The following DCLRE1C variants were observed in gnomAD, a reference collection of about 807,000 sequenced individuals.
The protein encoded by DCLRE1C is DNA cross-link repair 1C.
DCLRE1C carries 47 observed loss-of-function variants against 61.4 expected under a neutral mutation model. The ratio of observed to expected loss-of-function variants is 0.77; its 90% CI spans 0.61 to 0.98. The LOEUF (loss-of-function observed/expected upper bound fraction) is 0.98. DCLRE1C is among the 50% of genes least tolerant of loss of function. DCLRE1C has a pLI of 0.00. For missense variants in DCLRE1C, 858 were observed against 816.0 expected (o/e 1.05, Z -0.63); for synonymous variants, 337 against 287.6 (o/e 1.17, Z -1.74).
At chr10:14,931,925 A>G (rs1839065761) in intron 9 of DCLRE1C, among the ~76,000 whole-genome samples, 1 of 151,702 alleles carries the variant, frequency 6.6e-6, no homozygotes, top group South Asian at 2.1e-4. Context: ...TCCCAGCTAC[A>G]TAGGAGGCTG....
At chr10:14,933,765 A>G (rs41297946) in intron 8 of DCLRE1C, among the ~76,000 whole-genome samples, 3,568 of 152,308 alleles carry the variant, frequency 0.023, 64 homozygotes, top group Admixed American at 0.056. Flanking sequence ...GGTCACAATC[A>G]CTAAATTTAT....
chr10:14,928,439 CG>C (rs1321098294), intron 9 of DCLRE1C, among the ~76,000 whole-genome samples: 10 of 152,120 alleles, frequency 6.6e-5, no homozygotes, highest in South Asian at 6.2e-4. Context: ...CCTGACTGAA[CG>C]CAATGGACGA....
At chr10:14,920,559 C>T (rs1836932803) in intron 12 of DCLRE1C, 2 of 243,284 alleles carry the variant, frequency 8.2e-6, no homozygotes, top group Admixed American at 6.4e-5. Context: ...GATCCATCCC[C>T]TTCAACCTTT....
chr10:14,921,164 C>A (rs1191711934), intron 12 of DCLRE1C, among the ~76,000 whole-genome samples: 1 of 151,714 alleles, frequency 6.6e-6, no homozygotes, highest in East Asian at 1.9e-4. Context: ...ACTAAAAATA[C>A]AAAAAATTAG....
At chr10:14,934,156 C>T (rs1373979449) in intron 8 of DCLRE1C, among the ~76,000 whole-genome samples, 2 of 151,790 alleles carry the variant, frequency 1.3e-5, no homozygotes, top group African/African-American at 2.4e-5. Flanking sequence ...GGTGAAATGT[C>T]GTCTGTGCTA....
At chr10:14,937,835 A>G (rs1840201204) in intron 4 of DCLRE1C, among the ~76,000 whole-genome samples, 1 of 148,286 alleles carries the variant, frequency 6.7e-6, no homozygotes, top group Non-Finnish European at 1.5e-5. Context: ...TAGAGGTTGC[A>G]GTGAGCCAAG....
Position 14,928,009 on chromosome 10 carries a change from C to G in DCLRE1C, c.917+7G>C, listed in dbSNP as rs769082661. On this transcript the variant is annotated splice_region_variant and intron_variant, in intron 10 of 13. Transcript: ENST00000378278. ...CTCTCAGAAGACCTATGATATTGCT[C>G]TCTTACCTCACAATTACATTTGTTT... 3.0e-5 allele frequency: 49 copies of G among 1,613,506 alleles called. No homozygotes were observed. The highest frequency in any genetic ancestry group is 3.7e-5 in the Non-Finnish European group (44 of 1,179,802).
chr10:14,937,125 C>G (rs1159853118), intron 4 of DCLRE1C, among the ~76,000 whole-genome samples: 1 of 152,076 alleles, frequency 6.6e-6, no homozygotes, highest in Non-Finnish European at 1.5e-5. Flanking sequence ...GAGTCCAATA[C>G]AGTAGTGGTT....
Position 14,953,952 on chromosome 10 carries a change from T to A in DCLRE1C, c.59A>T (p.Asp20Val). The change falls in exon 1 of 14, where the codon GAT (aspartate) becomes GTT (valine). Residue 20 changes from aspartate to valine, a missense_variant. This residue lies in a region of DCLRE1C where 15 missense variants were observed against 32.5 expected (regional missense o/e 0.46). Coordinates refer to ENST00000378278, the MANE Select transcript of DCLRE1C (RefSeq NM_001033855.3). ...GGCGCGGGCCCTCAGGTTCTCCCTATCGAAGCGGTCTATGGAGATAGTTGG... is the reference window on the plus strand; with the variant it reads ...GGCGCGGGCCCTCAGGTTCTCCCTAACGAAGCGGTCTATGGAGATAGTTGG... ...EYPTISIDRF[D>V]RENLRARAYF... 6 of 1,614,026 alleles carry A rather than the reference T, an allele frequency of 3.7e-6. No individual in the cohort carries two copies. The highest frequency in any genetic ancestry group is 2.2e-5 in the East Asian group (1 of 44,864).
At chr10:14,899,020 G>C (rs1379154743) in exon 14 of DCLRE1C, 10 of 573,714 alleles carry the variant, frequency 1.7e-5, no homozygotes, top group Non-Finnish European at 3.1e-5. Flanking sequence ...CCAATGTACT[G>C]CTCAAATCCT....
At chr10:14,947,088 T>C (rs1841814214) in intron 2 of DCLRE1C, among the ~76,000 whole-genome samples, 1 of 152,120 alleles carries the variant, frequency 6.6e-6, no homozygotes, top group Admixed American at 6.6e-5. Flanking sequence ...GGCACGTGCC[T>C]GTAGTCCTAG....
upstream of DCLRE1C, chr10:14,954,338 C>T (rs1842872410): frequency 2.3e-6 from 1 of 431,080 alleles, no homozygotes; most frequent in Non-Finnish European, 4.3e-6. Flanking sequence ...GAGGTGCAGT[C>T]GCGGGAAGGG....
intron 13 of DCLRE1C, chr10:14,899,328 AG>A (rs1247858828): frequency 1.5e-5 from 10 of 688,654 alleles, no homozygotes; most frequent in Non-Finnish European, 2.6e-5. Context: ...TAAAAAAAAA[AG>A]GTCATCAGTC....
chr10:14,920,084 G>A (rs1192773559), intron 12 of DCLRE1C, among the ~76,000 whole-genome samples: 1 of 152,096 alleles, frequency 6.6e-6, no homozygotes, highest in Non-Finnish European at 1.5e-5. Flanking sequence ...ATGCAACCCG[G>A]TTGATGTTTA....
chr10:14,907,128 G>A lies in DCLRE1C; in HGVS notation c.*1280C>T, dbSNP rs554974498. ...GCCTCCCAAAGTACTGGGATTGCAG[G>A]CAGGAGTTACTGTGCCTGGCCACCA... is the stretch of plus-strand genomic sequence containing the variant. On this transcript the variant is annotated 3_prime_UTR_variant, in exon 14 of 14. Coordinates refer to ENST00000378278, the MANE Select transcript of DCLRE1C (RefSeq NM_001033855.3). Among the ~76,000 whole-genome samples, 102 of 152,044 alleles carry A rather than the reference G, an allele frequency of 6.7e-4. No homozygotes were observed. Among genetic ancestry groups the A allele is most frequent in the Middle Eastern group, 3.4e-3 (1 of 294 alleles).
At chr10:14,900,383 A>G (rs1833917550), downstream of DCLRE1C, among the ~76,000 whole-genome samples, 3 of 152,244 alleles carry the variant, frequency 2.0e-5, no homozygotes, top group Admixed American at 2.0e-4. Flanking sequence ...TGTGTGCCAC[A>G]AAGTTATATA....
chr10:14,933,267 C>T (rs1287652076), intron 8 of DCLRE1C, among the ~76,000 whole-genome samples: 1 of 152,206 alleles, frequency 6.6e-6, no homozygotes, highest in South Asian at 2.1e-4. Flanking sequence ...ATTCCTCGTA[C>T]ACCTACTATG....
Position 14,906,522 on chromosome 10 carries a change from C to T in DCLRE1C, c.*1886G>A, listed in dbSNP as rs1346757806. Among the ~76,000 whole-genome samples the T allele has an allele frequency of 6.6e-6, 1 of 152,188 alleles. No individual in the cohort carries two copies. Among genetic ancestry groups the T allele is most frequent in the Non-Finnish European group, 1.5e-5 (1 of 68,040 alleles). On this transcript the variant is annotated 3_prime_UTR_variant, in exon 14 of 14. Transcript: ENST00000378278. ...AACAACCACTTTCGATCATAAGGTACACTGTTAAAACTAAGTTTTAGTTAA... is the reference window on the plus strand; with the variant it reads ...AACAACCACTTTCGATCATAAGGTATACTGTTAAAACTAAGTTTTAGTTAA...
At chr10:14,942,916 G>C (rs137883005) in intron 3 of DCLRE1C, among the ~76,000 whole-genome samples, 11,539 of 152,230 alleles carry the variant, frequency 0.076, 617 homozygotes, top group Middle Eastern at 0.13. Flanking sequence ...CCTGAGGGCA[G>C]GAGTACAAGA....
Sources: gnomAD v4.1 joint callset for allele counts (sites outside exome capture counted in the v4.1 genomes callset) on GRCh38, gnomAD v4.1.1 for gene constraint, gnomAD v4.1.1 regional missense constraint, MANE v1.5 for transcripts, NCBI Gene and HGNC (gene_info 2026-07-23, HGNC 2026-07-21) for gene names.